Variants in KCND2 observed in about 807,000 individuals in gnomAD.
KCND2 encodes the protein A-type voltage-gated potassium channel KCND2.
KCND2 carries 16 observed loss-of-function variants against 54.4 expected under a neutral mutation model. The observed-to-expected ratio is 0.29, with a 90% CI of 0.20 to 0.45. The LOEUF is 0.45. Ranked by LOEUF, KCND2 falls within the 20% of genes least tolerant of loss-of-function variation. The pLI, the probability that KCND2 is intolerant of heterozygous loss-of-function variation, is 1.00. For missense variants in KCND2, 486 were observed against 824.2 expected (o/e 0.59, Z 5.02); for synonymous variants, 317 against 310.7 (o/e 1.02, Z -0.21).
At chr7:120,696,741 G>A (rs1024208943) in intron 1 of KCND2, among the ~76,000 whole-genome samples, 4 of 152,104 alleles carry the variant, frequency 2.6e-5, no homozygotes, top group African/African-American at 9.7e-5. Context: ...GCGTTTTCTT[G>A]CCCTTCTGTC....
chr7:120,375,217 T>C (rs1800819509), intron 1 of KCND2, among the ~76,000 whole-genome samples: 1 of 151,944 alleles, frequency 6.6e-6, no homozygotes, highest in Non-Finnish European at 1.5e-5. Context: ...TAGATATTGC[T>C]TGTTTCTAGA....
intron 1 of KCND2, among the ~76,000 whole-genome samples, chr7:120,670,359 G>A (rs1791976737): frequency 6.6e-6 from 1 of 152,026 alleles, no homozygotes; most frequent in African/African-American, 2.4e-5. Flanking sequence ...TCTGCTAGTT[G>A]ATAGTTATTT....
At chr7:120,484,664 A>C (rs1229586368) in intron 1 of KCND2, among the ~76,000 whole-genome samples, 1 of 150,968 alleles carries the variant, frequency 6.6e-6, no homozygotes, top group East Asian at 1.9e-4. Context: ...ACACACATAC[A>C]TTCCTATCTT....
intron 1 of KCND2, among the ~76,000 whole-genome samples, chr7:120,657,073 A>G (rs1376376257): frequency 6.6e-6 from 1 of 152,206 alleles, no homozygotes; most frequent in Non-Finnish European, 1.5e-5. Flanking sequence ...GGGGTAAAAA[A>G]AAACAATTCT....
chr7:120,739,798 AACACACACACACAC>A (rs10571787), intron 2 of KCND2, among the ~76,000 whole-genome samples: 4 of 143,970 alleles, frequency 2.8e-5, no homozygotes, highest in South Asian at 2.3e-4. Flanking sequence ...TAACAAAAGA[AACACACACACACAC>A]ACACACACAC....
Position 120,659,255 on chromosome 7 carries a change from G to A in KCND2, c.1116-73648G>A, listed in dbSNP as rs188103123. ...TTGTGCAAAGTTATATAGATGGCAC[G>A]TCTTTGGATTCTACTTCTAAGATGA... On this transcript the variant is annotated intron_variant, in intron 1 of 5. Transcript: ENST00000331113. 1.6e-4 allele frequency among the ~76,000 whole-genome samples: 25 copies of A among 152,222 alleles called. 1 individual carries two copies. In the South Asian group the frequency reaches 3.1e-3, roughly 19 times the overall value.
At position 120,737,079 on chromosome 7, in the gene KCND2, C is replaced by CA. The variant is rs1173701435; in HGVS notation, c.1278+4028dup. On this transcript the variant is annotated intron_variant, in intron 2 of 5. Transcript: ENST00000331113. The stretch of plus-strand genomic sequence containing the variant: ...ACACACACACACACACACACACAAA[C>CA]AAAAAAAAAAAAAACAAAACAAAAA... 3.4e-3 allele frequency among the ~76,000 whole-genome samples: 282 copies of CA among 82,454 alleles called. 2 individuals carry two copies. The highest frequency in any genetic ancestry group is 8.7e-3 in the East Asian group (29 of 3,318). The allele number at this position is 82,454 out of a possible 152,430, so 54.1% of individuals were successfully genotyped here. A position where few individuals can be genotyped will look rare whatever the true frequency, so the allele number is the denominator to read the frequency against.
At chr7:120,318,078 G>T (rs947174867) in intron 1 of KCND2, among the ~76,000 whole-genome samples, 2 of 152,118 alleles carry the variant, frequency 1.3e-5, no homozygotes, top group Non-Finnish European at 2.9e-5. Flanking sequence ...GATTTGAAAA[G>T]AATTTTAGAG....
chr7:120,368,020 G>A (rs189136307), intron 1 of KCND2, among the ~76,000 whole-genome samples: 3 of 152,202 alleles, frequency 2.0e-5, no homozygotes, highest in Admixed American at 6.5e-5. Flanking sequence ...GTAACCAGGA[G>A]TGTCACATCT....
chr7:120,463,313 C>T (rs1457594112), intron 1 of KCND2, among the ~76,000 whole-genome samples: 1 of 151,762 alleles, frequency 6.6e-6, no homozygotes, highest in Non-Finnish European at 1.5e-5. Context: ...CTGATACCCT[C>T]CTTCTTTAAA....
At chr7:120,317,772 A>C (rs1799834457) in intron 1 of KCND2, among the ~76,000 whole-genome samples, 1 of 152,186 alleles carries the variant, frequency 6.6e-6, no homozygotes, top group Admixed American at 6.6e-5. Context: ...TGTGTAATTA[A>C]GTGTACTCAT....
intron 1 of KCND2, among the ~76,000 whole-genome samples, chr7:120,548,767 G>A (rs1399738410): frequency 1.3e-5 from 2 of 152,116 alleles, no homozygotes; most frequent in African/African-American, 2.4e-5. Flanking sequence ...TACACACATA[G>A]CATTTTAGTG....
At chr7:120,582,626 A>G (rs1792531558) in intron 1 of KCND2, among the ~76,000 whole-genome samples, 1 of 152,054 alleles carries the variant, frequency 6.6e-6, no homozygotes, top group Non-Finnish European at 1.5e-5. Context: ...CCATCCTCCC[A>G]TTCCATAAAG....
At chr7:120,695,676 G>A (rs1355168664) in intron 1 of KCND2, among the ~76,000 whole-genome samples, 3 of 152,322 alleles carry the variant, frequency 2.0e-5, no homozygotes, top group East Asian at 1.9e-4. Context: ...TGATGGTGAT[G>A]ATGATGACAG....
chr7:120,710,256 CATATG>C (rs1413046534), intron 1 of KCND2, among the ~76,000 whole-genome samples: 1 of 152,170 alleles, frequency 6.6e-6, no homozygotes, highest in Non-Finnish European at 1.5e-5. Flanking sequence ...GAGGCACATA[CATATG>C]TTTGCACACC....
At chr7:120,742,387 T>G in intron 3 of KCND2, 123 bp from the exon 4 acceptor site, 1 of 809,284 alleles carries the variant, frequency 1.2e-6, no homozygotes, top group Non-Finnish European at 2.2e-6. Flanking sequence ...TGTTCCTTTC[T>G]AGTTAGAAAA....
In KCND2 at chr7:120,441,333, A is replaced by G. The variant is rs536071096; in HGVS notation, c.1115+165586A>G. On this transcript the variant is annotated intron_variant, in intron 1 of 5. Coordinates refer to ENST00000331113, the MANE Select transcript of KCND2 (RefSeq NM_012281.3). The stretch of plus-strand genomic sequence containing the variant: ...TGAATTAGTATGAAATTTTTTAGAG[A>G]CATGTATATGGCACATAGTAGGGCA... Among the ~76,000 whole-genome samples, 10 of 152,186 alleles carry G rather than the reference A, an allele frequency of 6.6e-5. No individual in the cohort carries two copies. The South Asian group carries it at 1.9e-3, about 28-fold the overall frequency.
chr7:120,328,063 C>T (rs1037650230), intron 1 of KCND2, among the ~76,000 whole-genome samples: 8 of 152,144 alleles, frequency 5.3e-5, no homozygotes, highest in Admixed American at 2.6e-4. Flanking sequence ...TCAGTTACTT[C>T]CTGTCATTAT....
chr7:120,710,697 TA>T (rs547888863), intron 1 of KCND2, among the ~76,000 whole-genome samples: 4 of 151,590 alleles, frequency 2.6e-5, no homozygotes, highest in East Asian at 1.9e-4. Context: ...TTAGATTGTA[TA>T]AAAAAAAATT....
Sources: allele counts gnomAD v4.1 joint callset (sites outside exome capture counted in the v4.1 genomes callset), GRCh38; gene constraint gnomAD v4.1.1; transcripts MANE v1.5; gene names NCBI Gene and HGNC (gene_info 2026-07-23, HGNC 2026-07-21).